Variants in OR10Z1 observed in about 807,000 individuals in gnomAD.
OR10Z1 encodes olfactory receptor family 10 subfamily Z member 1.
For synonymous variants in OR10Z1, 187 were observed against 151.2 expected (o/e 1.24, Z -1.74); for missense variants, 468 against 371.0 (o/e 1.26, Z -2.15).
At position 158,611,386 on chromosome 1, in the gene OR10Z1, G is replaced by T. The variant is rs1319686011; in HGVS notation, c.*4006G>T. Reference sequence around the variant, plus strand: ...CAGAATGACACTTGCTCTGGGGTAAGGGCCTGAAAAGTATAAAAAGAGAAA... The same window carrying T: ...CAGAATGACACTTGCTCTGGGGTAATGGCCTGAAAAGTATAAAAAGAGAAA... On this transcript the variant is annotated 3_prime_UTR_variant, in exon 2 of 2. Transcript: ENST00000641002. The T allele has an allele frequency of 3.1e-6, 5 of 1,613,594 alleles. No homozygotes were observed. Among genetic ancestry groups the T allele is most frequent in the Non-Finnish European group, 4.2e-6 (5 of 1,179,616 alleles).
Position 158,608,924 on chromosome 1 carries a change from G to C in OR10Z1, c.*1544G>C, listed in dbSNP as rs1325328210. ...GGCACAGTAAAACGTTGAACAGAGA[G>C]AGGCATCTGGGAAGGGATTCAGGAA... On this transcript the variant is annotated 3_prime_UTR_variant, in exon 2 of 2. Coordinates refer to ENST00000641002, the MANE Select transcript of OR10Z1 (RefSeq NM_001004478.2). 2 of 152,130 alleles carry C rather than the reference G, an allele frequency of 1.3e-5. No individual in the cohort carries two copies. Among genetic ancestry groups the C allele is most frequent in the Non-Finnish European group, 2.9e-5 (2 of 68,048 alleles). 9.4% of individuals were successfully genotyped at this position (152,130 alleles called of 1,614,324 possible). A position where few individuals can be genotyped will look rare whatever the true frequency, so the allele number is the denominator to read the frequency against.
At position 158,610,947 on chromosome 1, in the gene OR10Z1, A is replaced by G. The variant is rs866250197; in HGVS notation, c.*3567A>G. The stretch of plus-strand genomic sequence containing the variant: ...AAGAATTACTTTATTCTATAATCGG[A>G]ATAAAGCAAAATGATAAAGACGTGC... On this transcript the variant is annotated 3_prime_UTR_variant, in exon 2 of 2. Coordinates refer to ENST00000641002, the MANE Select transcript of OR10Z1 (RefSeq NM_001004478.2). 6 of 272,272 alleles carry G rather than the reference A, an allele frequency of 2.2e-5. No individual in the cohort carries two copies. The highest frequency in any genetic ancestry group is 1.1e-4 in the African/African-American group (5 of 45,100). The allele number at this position is 272,272 out of a possible 1,614,324, so 16.9% of individuals were successfully genotyped here.
chr1:158,610,209 G>A lies in OR10Z1; in HGVS notation c.*2829G>A, dbSNP rs1179181595. 6.6e-6 allele frequency: 1 copy of A among 152,156 alleles called. No individual in the cohort carries two copies. Among genetic ancestry groups the A allele is most frequent in the African/African-American group, 2.4e-5 (1 of 41,440 alleles). 9.4% of individuals were successfully genotyped at this position (152,156 alleles called of 1,614,324 possible). A position where few individuals can be genotyped will look rare whatever the true frequency, so the allele number is the denominator to read the frequency against. ...TGCACAGATTCATTTCTATGCAGAG[G>A]AAGGGACTGAGACTTAAGATGGTAA... On this transcript the variant is annotated 3_prime_UTR_variant, in exon 2 of 2. Transcript: ENST00000641002.
Position 158,612,333 on chromosome 1 carries a change from A to C in OR10Z1, c.*4953A>C, listed in dbSNP as rs1215092701. 5.0e-6 allele frequency: 1 copy of C among 198,642 alleles called. No individual in the cohort carries two copies. Among genetic ancestry groups the C allele is most frequent in the Non-Finnish European group, 1.0e-5 (1 of 96,782 alleles). 12.3% of individuals were successfully genotyped at this position (198,642 alleles called of 1,614,324 possible). A position where few individuals can be genotyped will look rare whatever the true frequency, so the allele number is the denominator to read the frequency against. On this transcript the variant is annotated 3_prime_UTR_variant, in exon 2 of 2. Coordinates refer to ENST00000641002, the MANE Select transcript of OR10Z1 (RefSeq NM_001004478.2). ...GTATTTTAAGGAGAGGAATGAAGAAAGCTCTTGGAATCAGAGAGAAGAGAG... is the reference window on the plus strand; with the variant it reads ...GTATTTTAAGGAGAGGAATGAAGAACGCTCTTGGAATCAGAGAGAAGAGAG...
chr1:158,606,190 ATGTC>A, intron 1 of OR10Z1, 132 bp from the exon 2 acceptor site: 1 of 475,816 alleles, frequency 2.1e-6, no homozygotes, highest in Non-Finnish European at 3.7e-6. Context: ...GTGCATATGA[ATGTC>A]TGTGATTGTG....
At position 158,606,570 on chromosome 1, in the gene OR10Z1, C is replaced by T; in HGVS notation, c.132C>T (p.Phe44=). Residue 44 remains phenylalanine, a synonymous_variant, in exon 2 of 2, where the codon TTC becomes TTT. Coordinates refer to ENST00000641002, the MANE Select transcript of OR10Z1 (RefSeq NM_001004478.2). ...TAGTCACTCTGACCAGCAATGTCTT[C>T]ATTATCATAGCCATCAGGCTGGATA... is the stretch of plus-strand genomic sequence containing the variant. The part of the protein sequence containing the change: ...LYLVTLTSNV[F]IIIAIRLDSH... The T allele has an allele frequency of 1.2e-6, 2 of 1,614,004 alleles. No homozygotes were observed. The highest frequency in any genetic ancestry group is 2.2e-5 in the South Asian group (2 of 91,072).
At chr1:158,605,948 G>A (rs1649037531) in intron 1 of OR10Z1, among the ~76,000 whole-genome samples, 1 of 152,132 alleles carries the variant, frequency 6.6e-6, no homozygotes, top group Non-Finnish European at 1.5e-5. Flanking sequence ...ACGTATATGT[G>A]GTGTGTGTAT....
At position 158,607,125 on chromosome 1, in the gene OR10Z1, C is replaced by A; in HGVS notation, c.687C>A (p.Pro229=). The change falls in exon 2 of 2, where the codon CCC becomes CCA. Residue 229 remains proline, a synonymous_variant. Coordinates refer to ENST00000641002, the MANE Select transcript of OR10Z1 (RefSeq NM_001004478.2). ...AYILAAILRI[P]SAEGQKKAFS... Reference sequence around the variant, plus strand: ...TCTTGGCAGCAATACTGAGGATCCCCTCTGCTGAGGGGCAGAAGAAGGCCT... The same window carrying A: ...TCTTGGCAGCAATACTGAGGATCCCATCTGCTGAGGGGCAGAAGAAGGCCT... 1 of 1,614,026 alleles carries A rather than the reference C, an allele frequency of 6.2e-7. No homozygotes were observed. Among genetic ancestry groups the A allele is most frequent in the Non-Finnish European group, 8.5e-7 (1 of 1,179,950 alleles).
rs1465804164 is a variant in OR10Z1 at position 158,607,124 on chromosome 1, C to G, written c.686C>G (p.Pro229Arg). The G allele has an allele frequency of 1.2e-6, 2 of 1,614,018 alleles. No homozygotes were observed. Among genetic ancestry groups the G allele is most frequent in the Non-Finnish European group, 1.7e-6 (2 of 1,179,968 alleles). The stretch of plus-strand genomic sequence containing the variant: ...ATCTTGGCAGCAATACTGAGGATCC[C>G]CTCTGCTGAGGGGCAGAAGAAGGCC... Reference protein sequence around the residue: ...AYILAAILRIPSAEGQKKAFS... With the variant: ...AYILAAILRIRSAEGQKKAFS... The change falls in exon 2 of 2, where the codon CCC becomes CGC. Residue 229 changes from proline (P) to arginine (R), a missense_variant. Pro to Arg is a moderately radical substitution (Grantham distance 103). Coordinates refer to ENST00000641002, the MANE Select transcript of OR10Z1 (RefSeq NM_001004478.2).
At chr1:158,605,822 A>G (rs1649033419) in intron 1 of OR10Z1, among the ~76,000 whole-genome samples, 1 of 152,220 alleles carries the variant, frequency 6.6e-6, no homozygotes, top group Admixed American at 6.5e-5. Flanking sequence ...CCTGATCTAT[A>G]AAACAAAATC....
chr1:158,606,308 C>G lies in OR10Z1; in HGVS notation c.-113-18C>G, dbSNP rs912824223. 1.6e-6 allele frequency: 1 copy of G among 636,940 alleles called. No homozygotes were observed. The highest frequency in any genetic ancestry group is 2.8e-6 in the Non-Finnish European group (1 of 361,202). 39.5% of individuals were successfully genotyped at this position (636,940 alleles called of 1,614,324 possible). A position where few individuals can be genotyped will look rare whatever the true frequency, so the allele number is the denominator to read the frequency against. ...TTTGAAGTTTGAGTAGAGTCTAAAT[C>G]AGAGCTGCCTTTTTAAGTTGCAACA... On this transcript the variant is annotated intron_variant, in intron 1 of 1. Transcript: ENST00000641002.
chr1:158,607,559 C>A lies in OR10Z1; in HGVS notation c.*179C>A. 1 of 550,988 alleles carries A rather than the reference C, an allele frequency of 1.8e-6. No individual in the cohort carries two copies. The highest frequency in any genetic ancestry group is 2.9e-5 in the South Asian group (1 of 34,764). 34.1% of individuals were successfully genotyped at this position (550,988 alleles called of 1,614,324 possible). ...TGCTTGGAATGCAGAGGCGGGGCTT[C>A]CTGCTCTGCTCACTGTGCACAACTC... On this transcript the variant is annotated 3_prime_UTR_variant, in exon 2 of 2. Coordinates refer to ENST00000641002, the MANE Select transcript of OR10Z1 (RefSeq NM_001004478.2).
chr1:158,612,363 C>A lies in OR10Z1; in HGVS notation c.*4983C>A. The A allele has an allele frequency of 4.5e-6, 1 of 220,082 alleles. No homozygotes were observed. Among genetic ancestry groups the A allele is most frequent in the Non-Finnish European group, 9.1e-6 (1 of 109,754 alleles). 13.6% of individuals were successfully genotyped at this position (220,082 alleles called of 1,614,324 possible). ...TTGGAATCAGAGAGAAGAGAGATTA[C>A]TTCTGGTTGTAATAAAATTCCCCAC... is the stretch of plus-strand genomic sequence containing the variant. On this transcript the variant is annotated 3_prime_UTR_variant, in exon 2 of 2. Transcript: ENST00000641002.
Position 158,606,628 on chromosome 1 carries a change from T to A in OR10Z1, c.190T>A (p.Ser64Thr). 6.2e-7 allele frequency: 1 copy of A among 1,614,020 alleles called. No individual in the cohort carries two copies. Among genetic ancestry groups the A allele is most frequent in the Non-Finnish European group, 8.5e-7 (1 of 1,179,914 alleles). The change falls in exon 2 of 2, where the codon TCC becomes ACC. Residue 64 changes from serine (S) to threonine (T), a missense_variant. Ser to Thr is a moderately conservative substitution (Grantham distance 58). Transcript: ENST00000641002. The part of the protein sequence containing the change: ...HLHTPMYLFL[S>T]FLSFSETCYT... ...GCACACCCCCATGTACCTCTTCCTT[T>A]CCTTCCTATCCTTCTCTGAGACCTG...
chr1:158,606,176 G>A (rs950391267), intron 1 of OR10Z1, 150 bp from the exon 2 acceptor site: 1 of 444,908 alleles, frequency 2.2e-6, no homozygotes, highest in East Asian at 3.6e-5. Flanking sequence ...TTGTGTGCAA[G>A]TATGTGCATA....
chr1:158,606,149 T>C (rs1557912478), intron 1 of OR10Z1, among the ~76,000 whole-genome samples, 177 bp from the exon 2 acceptor site: 1 of 152,226 alleles, frequency 6.6e-6, no homozygotes, highest in Non-Finnish European at 1.5e-5. Flanking sequence ...CCTGCATGTA[T>C]GTAGTCATAC....
In OR10Z1 at chr1:158,606,807, T is replaced by C. The variant is rs771798770; in HGVS notation, c.369T>C (p.Tyr123=). The change falls in exon 2 of 2, where the codon TAT becomes TAC. Residue 123 remains tyrosine (Y), a synonymous_variant. Transcript: ENST00000641002. ...FLLAAMGFDR[Y]VAICAPLHYA... The stretch of plus-strand genomic sequence containing the variant: ...TGGCTGCCATGGGCTTTGACAGATA[T>C]GTGGCCATCTGTGCTCCACTCCACT... 1.2e-6 allele frequency: 2 copies of C among 1,614,082 alleles called. No homozygotes were observed. The highest frequency in any genetic ancestry group is 2.2e-5 in the South Asian group (2 of 91,074).
At position 158,607,428 on chromosome 1, in the gene OR10Z1, C is replaced by A; in HGVS notation, c.*48C>A. The A allele has an allele frequency of 7.0e-7, 1 of 1,433,018 alleles. No homozygotes were observed. The highest frequency in any genetic ancestry group is 9.6e-7 in the Non-Finnish European group (1 of 1,041,304). The allele number at this position is 1,433,018 out of a possible 1,614,324, so 88.8% of individuals were successfully genotyped here. A position where few individuals can be genotyped will look rare whatever the true frequency, so the allele number is the denominator to read the frequency against. ...TCTTCTGTGTAGGCTGGGCATAGAC[C>A]AAGAACCCAAGCCAAAGGGCCAGGT... On this transcript the variant is annotated 3_prime_UTR_variant, in exon 2 of 2. Transcript: ENST00000641002.
In OR10Z1 at chr1:158,610,494, A is replaced by G. The variant is rs1234301423; in HGVS notation, c.*3114A>G. On this transcript the variant is annotated 3_prime_UTR_variant, in exon 2 of 2. Coordinates refer to ENST00000641002, the MANE Select transcript of OR10Z1 (RefSeq NM_001004478.2). The stretch of plus-strand genomic sequence containing the variant: ...TAATTCTATTAACTGTTACTTTAAC[A>G]GGATATTGAAGTATTATTTTTATTA... 1 of 152,128 alleles carries G rather than the reference A, an allele frequency of 6.6e-6. No individual in the cohort carries two copies. The highest frequency in any genetic ancestry group is 1.5e-5 in the Non-Finnish European group (1 of 68,026). 9.4% of individuals were successfully genotyped at this position (152,128 alleles called of 1,614,324 possible). A position where few individuals can be genotyped will look rare whatever the true frequency, so the allele number is the denominator to read the frequency against.
Sources: gnomAD v4.1 joint callset for allele counts (sites outside exome capture counted in the v4.1 genomes callset) on GRCh38, gnomAD v4.1.1 for gene constraint, MANE v1.5 for transcripts, NCBI Gene and HGNC (gene_info 2026-07-23, HGNC 2026-07-21) for gene names.